CTNNA2: variants seen among roughly 807,000 people sequenced by gnomAD.
The protein encoded by CTNNA2 is catenin alpha 2.
A neutral mutation model predicts 101.0 loss-of-function variants in CTNNA2; 42 were observed. That is an observed-to-expected ratio of 0.42 (90% CI 0.32 to 0.54). CTNNA2 has a LOEUF of 0.54. CTNNA2 is among the 20% of genes least tolerant of loss of function. CTNNA2 has a pLI of 0.14. For synonymous variants in CTNNA2, 450 were observed against 456.4 expected, an observed-to-expected ratio of 0.99 and a Z score of 0.18; for missense variants, 871 against 1,223.1, an observed-to-expected ratio of 0.71 and a Z score of 4.29.
At chr2:79,794,663 A>C (rs1212042293) in intron 3 of CTNNA2, among the ~76,000 whole-genome samples, 2 of 152,224 alleles carry the variant, frequency 1.3e-5, no homozygotes, top group East Asian at 3.9e-4. Context: ...GCTGTACAGT[A>C]GATCTCCATA....
At chr2:80,618,504 G>T in intron 17 of CTNNA2, among the ~76,000 whole-genome samples, 1 of 151,858 alleles carries the variant, frequency 6.6e-6, no homozygotes, top group East Asian at 1.9e-4. Context: ...CCACCCTTGG[G>T]TTAAAAGGAA....
chr2:79,831,921 T>G (rs1678961652), intron 3 of CTNNA2, among the ~76,000 whole-genome samples: 1 of 152,128 alleles, frequency 6.6e-6, no homozygotes. Flanking sequence ...TTTTGTTGGG[T>G]TTTTTATTTG....
At chr2:80,485,102 G>A (rs778453632) in intron 9 of CTNNA2, among the ~76,000 whole-genome samples, 44 of 152,134 alleles carry the variant, frequency 2.9e-4, no homozygotes, top group Non-Finnish European at 4.1e-4. Flanking sequence ...GTAAGTGTAC[G>A]TGTGTGTTGT....
At position 80,419,399 on chromosome 2, in the gene CTNNA2, T is replaced by C. The variant is rs746616310; in HGVS notation, c.1138-50T>C. 6 of 1,483,182 alleles carry C rather than the reference T, an allele frequency of 4.0e-6. No individual in the cohort carries two copies. In the Admixed American group the frequency reaches 9.1e-5, roughly 22 times the overall value. 91.9% of individuals were successfully genotyped at this position (1,483,182 alleles called of 1,614,324 possible). ...ACAGTTTAGAAAAAAAATGGGCAAT[T>C]ATACTATTTCTTAATTGTATGTCAT... On this transcript the variant is annotated intron_variant, in intron 8 of 18. Coordinates refer to ENST00000402739, the MANE Select transcript of CTNNA2 (RefSeq NM_001282597.3).
intron 3 of CTNNA2, among the ~76,000 whole-genome samples, chr2:79,350,371 T>C (rs759115557): frequency 3.3e-5 from 5 of 152,162 alleles, no homozygotes; most frequent in Admixed American, 1.3e-4. Flanking sequence ...CACTTATAAC[T>C]GAAAACATGT....
intron 6 of CTNNA2, among the ~76,000 whole-genome samples, chr2:79,881,193 G>T (rs1159261344): frequency 6.6e-6 from 1 of 152,116 alleles, no homozygotes; most frequent in African/African-American, 2.4e-5. Flanking sequence ...TATGGTTTCA[G>T]TTCTTTTGCA....
chr2:80,598,615 A>C (rs1245712287), intron 15 of CTNNA2, among the ~76,000 whole-genome samples: 9 of 152,204 alleles, frequency 5.9e-5, no homozygotes, highest in African/African-American at 2.2e-4. Flanking sequence ...TAATAGTCCC[A>C]CACTGGAAAC....
At chr2:80,608,385 G>A in intron 17 of CTNNA2, 67 bp downstream of exon 17, 2 of 1,548,848 alleles carry the variant, frequency 1.3e-6, no homozygotes, top group Non-Finnish European at 1.8e-6. Context: ...AACATTCTTG[G>A]CAACAGTACT....
intron 18 of CTNNA2, among the ~76,000 whole-genome samples, chr2:80,634,096 A>G (rs1672594628): frequency 6.6e-6 from 1 of 152,168 alleles, no homozygotes; most frequent in East Asian, 1.9e-4. Context: ...CACCCATAAA[A>G]TTACAATGCT....
intron 18 of CTNNA2, among the ~76,000 whole-genome samples, chr2:80,641,100 C>A (rs1175355422): frequency 1.3e-5 from 2 of 152,120 alleles, no homozygotes; most frequent in African/African-American, 4.8e-5. Context: ...TTGGCTCTGA[C>A]TTACAAAAAT....
intron 4 of CTNNA2, among the ~76,000 whole-genome samples, chr2:79,448,165 C>T (rs946219369): frequency 1.3e-5 from 2 of 152,040 alleles, no homozygotes; most frequent in Non-Finnish European, 2.9e-5. Flanking sequence ...CATAACAGCT[C>T]TGATGAAACC....
chr2:80,602,302 A>T (rs1396685441), intron 15 of CTNNA2, among the ~76,000 whole-genome samples: 1 of 152,048 alleles, frequency 6.6e-6, no homozygotes, highest in Non-Finnish European at 1.5e-5. Context: ...CTGAGCATCA[A>T]GCAGATTCAG....
At position 79,259,512 on chromosome 2, in the gene CTNNA2, C is replaced by T. The variant is rs551775479; in HGVS notation, c.-405-53197C>T. Reference sequence around the variant, plus strand: ...GTAGGGCCATGTGTACCTTGAATAACCACGAAACCCACTAGTCACTAACTT... The same window carrying T: ...GTAGGGCCATGTGTACCTTGAATAATCACGAAACCCACTAGTCACTAACTT... On this transcript the variant is annotated intron_variant, in intron 2 of 21. Coordinates refer to the CTNNA2 transcript ENST00000466387. 1.3e-5 allele frequency among the ~76,000 whole-genome samples: 2 copies of T among 152,148 alleles called. 1 individual carries two copies. The highest frequency in any genetic ancestry group is 4.1e-4 in the South Asian group (2 of 4,832).
chr2:80,260,206 T>C (rs1354994667), intron 7 of CTNNA2, among the ~76,000 whole-genome samples: 2 of 152,190 alleles, frequency 1.3e-5, no homozygotes, highest in East Asian at 1.9e-4. Flanking sequence ...TCAACCATCA[T>C]TGCTACATCC....
intron 4 of CTNNA2, among the ~76,000 whole-genome samples, chr2:79,440,832 A>T (rs1307371686): frequency 1.3e-5 from 2 of 152,154 alleles, no homozygotes; most frequent in Admixed American, 6.5e-5. Context: ...ATCAGGTAGA[A>T]CACCATAAAG....
chr2:80,191,228 G>C (rs187088085), intron 7 of CTNNA2, among the ~76,000 whole-genome samples: 102 of 152,308 alleles, frequency 6.7e-4, no homozygotes, highest in African/African-American at 2.3e-3. Flanking sequence ...AGACAGAATA[G>C]TAGGAGATAT....
chr2:80,091,540 G>T (rs1699794398), intron 7 of CTNNA2, among the ~76,000 whole-genome samples: 1 of 152,190 alleles, frequency 6.6e-6, no homozygotes, highest in Middle Eastern at 3.4e-3. Context: ...GAGCCAGCAG[G>T]ATACTCTCCG....
chr2:79,786,473 T>C (rs1674854759), intron 3 of CTNNA2, among the ~76,000 whole-genome samples: 1 of 150,934 alleles, frequency 6.6e-6, no homozygotes, highest in East Asian at 2.0e-4. Flanking sequence ...CAAGAATAAA[T>C]GAATTAAGTA....
chr2:80,222,825 A>T (rs1708644427), intron 7 of CTNNA2, among the ~76,000 whole-genome samples: 1 of 152,210 alleles, frequency 6.6e-6, no homozygotes, highest in African/African-American at 2.4e-5. Flanking sequence ...TTGGATTTGC[A>T]AATATGTACA....
Sources: gnomAD v4.1 joint callset for allele counts (sites outside exome capture counted in the v4.1 genomes callset) on GRCh38, gnomAD v4.1.1 for gene constraint, MANE v1.5 for transcripts, NCBI Gene and HGNC (gene_info 2026-07-23, HGNC 2026-07-21) for gene names.